The following DCBLD1 variants were observed in gnomAD, a reference collection of about 807,000 sequenced individuals.
DCBLD1 encodes the protein discoidin, CUB and LCCL domain-containing protein 1.
In DCBLD1, 57 loss-of-function variants were observed where a neutral mutation model predicts 71.5. That is an observed-to-expected ratio of 0.80 (90% CI 0.64 to 0.99). DCBLD1 has a LOEUF of 0.99. DCBLD1 is among the 50% of genes least tolerant of loss of function. The pLI is 0.00. For missense variants in DCBLD1, 891 were observed against 923.5 expected (o/e 0.96, Z 0.46); for synonymous variants, 380 against 363.8 (o/e 1.04, Z -0.51).
downstream of DCBLD1, among the ~76,000 whole-genome samples, chr6:117,554,680 G>T (rs1643800906): frequency 6.6e-6 from 1 of 152,098 alleles, no homozygotes; most frequent in Non-Finnish European, 1.5e-5. Context: ...GGATCATGAG[G>T]TCAAGAGATC....
intron 14 of DCBLD1, 145 bp from the exon 15 acceptor site, chr6:117,547,762 A>C (rs1387417281): frequency 3.3e-6 from 5 of 1,527,796 alleles, no homozygotes; most frequent in East Asian, 4.9e-5. Flanking sequence ...CTTTCACATC[A>C]GGGTTTTCCG....
At chr6:117,482,963 GCCGGGCCGGGCCGAGGGC>G (rs1454432963) in intron 1 of DCBLD1, 70 bp downstream of exon 1, 3 of 606,252 alleles carry the variant, frequency 4.9e-6, no homozygotes, top group Non-Finnish European at 5.9e-6. Context: ...TGCGGGGCGG[GCCGGGCCGGGCCGAGGGC>G]TACGGGGCGG....
chr6:117,507,276 A>G (rs1777874597), intron 2 of DCBLD1, among the ~76,000 whole-genome samples: 1 of 152,238 alleles, frequency 6.6e-6, no homozygotes, highest in Non-Finnish European at 1.5e-5. Context: ...ATTCTTGCTA[A>G]CAAAAATGCA....
chr6:117,503,525 C>T, intron 1 of DCBLD1: 1 of 495,362 alleles, frequency 2.0e-6, no homozygotes, highest in Non-Finnish European at 3.6e-6. Context: ...TTCCTAAGGG[C>T]TTTCCGTTCT....
At chr6:117,569,743 A>G (rs1779769734) in exon 15 of DCBLD1, 1 of 1,576,198 alleles carries the variant, frequency 6.3e-7, no homozygotes, top group African/African-American at 1.4e-5. Flanking sequence ...CACCCTAACA[A>G]CAACAAAGGG....
At chr6:117,543,869 G>A (rs1779180122) in intron 12 of DCBLD1, among the ~76,000 whole-genome samples, 2 of 152,146 alleles carry the variant, frequency 1.3e-5, no homozygotes, top group African/African-American at 4.8e-5. Flanking sequence ...GTTTCCTTAT[G>A]TATAAAATAT....
chr6:117,507,165 A>G (rs1384981696), intron 2 of DCBLD1, among the ~76,000 whole-genome samples: 2 of 152,250 alleles, frequency 1.3e-5, no homozygotes, highest in African/African-American at 4.8e-5. Flanking sequence ...CTAAAGTTGT[A>G]TAGTGTTCAT....
At chr6:117,569,689 C>G in exon 15 of DCBLD1, 1 of 1,608,052 alleles carries the variant, frequency 6.2e-7, no homozygotes, top group South Asian at 1.1e-5. Context: ...CAGGTTGCCC[C>G]GGATGGATCT....
intron 14 of DCBLD1, among the ~76,000 whole-genome samples, chr6:117,558,166 G>T (rs1351615357): frequency 6.6e-6 from 1 of 152,190 alleles, no homozygotes; most frequent in Non-Finnish European, 1.5e-5. Context: ...AAATAGAAGA[G>T]GTTTCGCTGA....
At chr6:117,493,950 G>T (rs1777382299) in intron 1 of DCBLD1, among the ~76,000 whole-genome samples, 1 of 152,158 alleles carries the variant, frequency 6.6e-6, no homozygotes, top group East Asian at 1.9e-4. Context: ...CTTTGTATGT[G>T]TGTATCTGTA....
chr6:117,539,016 G>A (rs192234407), intron 8 of DCBLD1, 181 bp downstream of exon 8: 1 of 749,296 alleles, frequency 1.3e-6, no homozygotes. Flanking sequence ...TATGCAAGTT[G>A]TAAATATGGA....
intron 2 of DCBLD1, 99 bp from the exon 3 acceptor site, chr6:117,519,717 G>T: frequency 7.0e-7 from 1 of 1,436,074 alleles, no homozygotes; most frequent in Non-Finnish European, 9.5e-7. Flanking sequence ...CATATGTATT[G>T]TCTAGTAAAT....
chr6:117,540,939 G>A lies in DCBLD1; in HGVS notation c.1271G>A (p.Arg424His), dbSNP rs138390701. The A allele has an allele frequency of 6.8e-6, 11 of 1,613,798 alleles. No individual in the cohort carries two copies. Among genetic ancestry groups the A allele is most frequent in the African/African-American group, 5.3e-5 (4 of 75,002 alleles). The change falls in exon 11 of 15, where the codon CGC (arginine) becomes CAC (histidine). Residue 424 changes from arginine to histidine, a missense_variant. Transcript: ENST00000338728. ...ITQGNDSLVW[R>H]KTSQSTSVST... ...TCAGGTAATGATTCATTGGTGTGGC[G>A]CAAGACAAGTCAAAGCACCAGTGTT...
intron 14 of DCBLD1, chr6:117,562,374 T>C (rs1583046006): frequency 1.0e-5 from 2 of 199,466 alleles, no homozygotes; most frequent in East Asian, 1.6e-4. Context: ...CCAGAAAAAT[T>C]TGTCTTTAAG....
chr6:117,487,723 A>G (rs1452192185), intron 1 of DCBLD1, among the ~76,000 whole-genome samples: 2 of 152,254 alleles, frequency 1.3e-5, no homozygotes, highest in East Asian at 1.9e-4. Flanking sequence ...GTACGTATGT[A>G]AAATAGAGAA....
chr6:117,532,697 T>C (rs745532887), intron 6 of DCBLD1, among the ~76,000 whole-genome samples: 28 of 152,232 alleles, frequency 1.8e-4, no homozygotes, highest in Non-Finnish European at 3.1e-4. Flanking sequence ...TAATCCTTTT[T>C]GGGTTTTTAC....
At chr6:117,504,416 A>G (rs1777769799) in intron 2 of DCBLD1, among the ~76,000 whole-genome samples, 1 of 152,206 alleles carries the variant, frequency 6.6e-6, no homozygotes, top group South Asian at 2.1e-4. Flanking sequence ...AAATAAGCAA[A>G]TGCATCTGTA....
chr6:117,539,498 G>A lies in DCBLD1; in HGVS notation c.1101+119G>A, dbSNP rs186343620. 6,390 of 1,159,782 alleles carry A rather than the reference G, an allele frequency of 5.5e-3. 26 individuals are homozygous for A. The highest frequency in any genetic ancestry group is 9.1e-3 in the Admixed American group (296 of 32,614). The allele number at this position is 1,159,782 out of a possible 1,614,324, so 71.8% of individuals were successfully genotyped here. A position where few individuals can be genotyped will look rare whatever the true frequency, so the allele number is the denominator to read the frequency against. ...AAAGACAGTGAGGCCAAGCATGGTG[G>A]TTCATGCCTGTAATCCCCAAGCTTT... On this transcript the variant is annotated intron_variant, in intron 9 of 14. Transcript: ENST00000338728.
At position 117,519,995 on chromosome 6, in the gene DCBLD1, A is replaced by G. The variant is rs756070035; in HGVS notation, c.460+45A>G. The G allele has an allele frequency of 8.1e-6, 13 of 1,599,700 alleles. No individual in the cohort carries two copies. In the Admixed American group the frequency reaches 2.2e-4, roughly 27 times the overall value. On this transcript the variant is annotated intron_variant, in intron 3 of 14. Transcript: ENST00000338728. The stretch of plus-strand genomic sequence containing the variant: ...ACAAATCTCTAAATGTTATCTGTCT[A>G]AGAATTCCTCTTGCCACTTATCCCC...
Sources: allele counts gnomAD v4.1 joint callset (sites outside exome capture counted in the v4.1 genomes callset), GRCh38; gene constraint gnomAD v4.1.1; transcripts MANE v1.5; gene names NCBI Gene and HGNC (gene_info 2026-07-23, HGNC 2026-07-21).